UXS1: variants seen among roughly 807,000 people sequenced by gnomAD.
UXS1 encodes UDP-glucuronic acid decarboxylase 1.
A neutral mutation model predicts 62.6 loss-of-function variants in UXS1; 33 were observed. The ratio of observed to expected loss-of-function variants is 0.53; its 90% CI spans 0.40 to 0.70. UXS1 has a LOEUF of 0.70. Among genes scored for constraint, UXS1 ranks in the 30% least tolerant of loss-of-function variants. The pLI is 0.00. For missense variants in UXS1, 434 were observed against 556.3 expected, an observed-to-expected ratio of 0.78 and a Z score of 2.21; for synonymous variants, 213 against 206.8, an observed-to-expected ratio of 1.03 and a Z score of -0.26.
At chr2:106,192,022 C>T (rs1384112938) in intron 1 of UXS1, among the ~76,000 whole-genome samples, 1 of 152,170 alleles carries the variant, frequency 6.6e-6, no homozygotes, top group African/African-American at 2.4e-5. Context: ...ACATCCCAGA[C>T]CAACTGAATC....
At chr2:106,102,070 T>C (rs1471054904) in intron 11 of UXS1, 2 of 152,190 alleles carry the variant, frequency 1.3e-5, no homozygotes, top group South Asian at 2.1e-4. Flanking sequence ...AAAAACCTAT[T>C]GGGGTATTTC....
chr2:106,152,489 G>A (rs1682100307), intron 5 of UXS1, among the ~76,000 whole-genome samples: 1 of 50,362 alleles, frequency 2.0e-5, no homozygotes, highest in South Asian at 5.7e-4. Context: ...AAGGAAGGGA[G>A]GGAGAGAGGG....
At chr2:106,158,305 G>A (rs577187250) in intron 4 of UXS1, among the ~76,000 whole-genome samples, 187 bp from the exon 5 acceptor site, 139 of 152,286 alleles carry the variant, frequency 9.1e-4, no homozygotes, top group Middle Eastern at 3.4e-3. Flanking sequence ...TATATAACCT[G>A]CTCCTTGTTT....
At chr2:106,094,306 T>A in intron 14 of UXS1, 149 bp from the exon 15 acceptor site, 1 of 919,624 alleles carries the variant, frequency 1.1e-6, no homozygotes, top group Non-Finnish European at 1.6e-6. Flanking sequence ...ATGCTTTGGT[T>A]GTGACAGCAT....
At chr2:106,160,402 G>C (rs561602595) in intron 4 of UXS1, 2 of 152,312 alleles carry the variant, frequency 1.3e-5, no homozygotes, top group African/African-American at 4.8e-5. Context: ...GAAAACGCTG[G>C]AGCCGTCTCT....
intron 1 of UXS1, 23 bp downstream of exon 1, chr2:106,194,125 G>C (rs929203369): frequency 6.9e-7 from 1 of 1,459,804 alleles, no homozygotes; most frequent in Non-Finnish European, 9.1e-7. Context: ...GGGCTCCCCA[G>C]CTGGCAGCGG....
Position 106,145,171 on chromosome 2 carries a change from A to T in UXS1, c.472+19T>A. The stretch of plus-strand genomic sequence containing the variant: ...ACCTGCGGAGCTCTGAATAATAACA[A>T]TGTGCAGTTTTCACTCACCCTCGAT... On this transcript the variant is annotated intron_variant, in intron 6 of 14. Transcript: ENST00000283148. The T allele has an allele frequency of 6.2e-7, 1 of 1,609,350 alleles. No individual in the cohort carries two copies.
At chr2:106,130,346 A>C (rs997716201) in intron 6 of UXS1, among the ~76,000 whole-genome samples, 6 of 152,188 alleles carry the variant, frequency 3.9e-5, no homozygotes, top group Non-Finnish European at 8.8e-5. Context: ...ATTCACTTTA[A>C]CGTCACTACC....
intron 13 of UXS1, among the ~76,000 whole-genome samples, chr2:106,098,456 C>A (rs1019434911): frequency 1.2e-4 from 19 of 152,182 alleles, no homozygotes; most frequent in Non-Finnish European, 1.5e-4. Flanking sequence ...TACAATCGTG[C>A]CTCAAACACT....
chr2:106,145,130 C>A, intron 6 of UXS1, 60 bp downstream of exon 6: 1 of 1,555,092 alleles, frequency 6.4e-7, no homozygotes, highest in South Asian at 1.2e-5. Flanking sequence ...AGGAATCCCG[C>A]AGCTCTGGCA....
At chr2:106,131,060 G>C (rs867078359) in intron 6 of UXS1, among the ~76,000 whole-genome samples, 1 of 150,352 alleles carries the variant, frequency 6.7e-6, no homozygotes, top group Non-Finnish European at 1.5e-5. Flanking sequence ...CACCGTGCGC[G>C]AGCCGAAGCA....
At chr2:106,142,729 C>T (rs1377725450) in intron 6 of UXS1, among the ~76,000 whole-genome samples, 2 of 152,148 alleles carry the variant, frequency 1.3e-5, no homozygotes, top group African/African-American at 2.4e-5. Context: ...AGACCTGATG[C>T]CAAGGTTGAG....
intron 5 of UXS1, among the ~76,000 whole-genome samples, chr2:106,150,561 C>A (rs896216287): frequency 6.6e-6 from 1 of 152,232 alleles, no homozygotes; most frequent in African/African-American, 2.4e-5. Flanking sequence ...AGCTACCGCT[C>A]CGGAAGATAT....
At chr2:106,165,306 A>T (rs1294931284) in intron 2 of UXS1, among the ~76,000 whole-genome samples, 2 of 152,142 alleles carry the variant, frequency 1.3e-5, no homozygotes, top group Admixed American at 6.5e-5. Context: ...TGCAAAACCC[A>T]ACTCCACATG....
rs1676825382 is a variant in UXS1, at chr2:106,093,477, T to C, written c.*549A>G. 6.6e-6 allele frequency: 1 copy of C among 152,074 alleles called. No individual in the cohort carries two copies. The highest frequency in any genetic ancestry group is 2.4e-5 in the African/African-American group (1 of 41,240). 9.4% of individuals were successfully genotyped at this position (152,074 alleles called of 1,614,324 possible). ...CAACAGGAATATTTCAAAGTCAAGT[T>C]TGCAACTCAAAAGTAGACCTTGGAA... On this transcript the variant is annotated 3_prime_UTR_variant, in exon 15 of 15. Transcript: ENST00000283148.
intron 13 of UXS1, chr2:106,097,037 G>A (rs970201735): frequency 1.5e-6 from 1 of 672,898 alleles, no homozygotes; most frequent in East Asian, 2.9e-5. Context: ...AGCTGACTGT[G>A]TGCAGGCGCC....
At chr2:106,139,214 C>A (rs562560431) in intron 6 of UXS1, among the ~76,000 whole-genome samples, 10 of 152,218 alleles carry the variant, frequency 6.6e-5, no homozygotes, top group African/African-American at 2.4e-4. Flanking sequence ...CCCACAGTTG[C>A]TCCAGAGACC....
intron 5 of UXS1, among the ~76,000 whole-genome samples, chr2:106,148,115 T>C (rs1178601213): frequency 6.6e-6 from 1 of 152,214 alleles, no homozygotes; most frequent in Non-Finnish European, 1.5e-5. Flanking sequence ...TGGGACACAC[T>C]AAAGCTACAG....
chr2:106,160,135 T>C (rs1181741759), intron 4 of UXS1: 1 of 152,264 alleles, frequency 6.6e-6, no homozygotes, highest in African/African-American at 2.4e-5. Flanking sequence ...ACAGATGTCT[T>C]GTTTGCCAAG....
Sources: allele counts gnomAD v4.1 joint callset (sites outside exome capture counted in the v4.1 genomes callset), GRCh38; gene constraint gnomAD v4.1.1; transcripts MANE v1.5; gene names NCBI Gene and HGNC (gene_info 2026-07-23, HGNC 2026-07-21).